PPEF2: variants seen among roughly 807,000 people sequenced by gnomAD.
PPEF2 encodes the protein serine/threonine-protein phosphatase with EF-hands 2.
A neutral mutation model predicts 84.7 loss-of-function variants in PPEF2; 84 were observed. The ratio of observed to expected loss-of-function variants is 0.99; its 90% CI spans 0.83 to 1.19. PPEF2 has a LOEUF of 1.19. PPEF2 is among the 50% of genes most tolerant of loss of function. The pLI is 0.00. For synonymous variants in PPEF2, 346 were observed against 345.2 expected (o/e 1.00, Z -0.03); for missense variants, 924 against 937.5 (o/e 0.99, Z 0.19).
intron 11 of PPEF2, among the ~76,000 whole-genome samples, chr4:75,874,949 T>C (rs1380901601): frequency 2.0e-5 from 3 of 150,864 alleles, no homozygotes; most frequent in Non-Finnish European, 2.9e-5. Flanking sequence ...TCGCCCAGGA[T>C]GAAGTGCAGT....
chr4:75,868,147 C>T (rs574172083), intron 13 of PPEF2, among the ~76,000 whole-genome samples: 1 of 31,412 alleles, frequency 3.2e-5, no homozygotes, highest in African/African-American at 1.1e-4. Context: ...CCCCTCTCTA[C>T]TCAAAGTACA....
At chr4:75,871,623 A>G (rs1462154793) in intron 13 of PPEF2, among the ~76,000 whole-genome samples, 1 of 152,088 alleles carries the variant, frequency 6.6e-6, no homozygotes, top group Non-Finnish European at 1.5e-5. Context: ...AGAGTACGCC[A>G]CCACATCAGG....
rs372439344 is a variant in PPEF2 at position 75,873,251 on chromosome 4, C to A, written c.1382G>T (p.Arg461Leu). 4.3e-6 allele frequency: 7 copies of A among 1,614,156 alleles called. No individual in the cohort carries two copies. Among genetic ancestry groups the A allele is most frequent in the Non-Finnish European group, 5.9e-6 (7 of 1,180,020 alleles). Residue 461 changes from arginine (R) to leucine (L), a missense_variant, in exon 12 of 17, where the codon CGA (arginine) becomes CTA (leucine). Coordinates refer to ENST00000286719, the MANE Select transcript of PPEF2 (RefSeq NM_006239.3). ...AGGCCCAAAATAACAGCCTCCTCCT[C>A]GAATAGTGTTGGCCTTGCAGCCCTC... ...AQEGCKANTI[R>L]GGGCYFGPDV...
Position 75,886,909 on chromosome 4 carries a change from T to C in PPEF2, c.533-11A>G, listed in dbSNP as rs756654108. 7 of 1,410,424 alleles carry C rather than the reference T, an allele frequency of 5.0e-6. No individual in the cohort carries two copies. The highest frequency in any genetic ancestry group is 1.8e-4 in the Middle Eastern group (1 of 5,576). 87.4% of individuals were successfully genotyped at this position (1,410,424 alleles called of 1,614,324 possible). Reference sequence around the variant, plus strand: ...GGCCATGTAAGTCTCCTAACAAAGATAGAAAAAGAATATCAATTCTGATTG... The same window carrying C: ...GGCCATGTAAGTCTCCTAACAAAGACAGAAAAAGAATATCAATTCTGATTG... On this transcript the variant is annotated splice_polypyrimidine_tract_variant and intron_variant, in intron 6 of 16. Transcript: ENST00000286719.
At chr4:75,863,247 T>C (rs1724047663) in intron 16 of PPEF2, among the ~76,000 whole-genome samples, 1 of 151,904 alleles carries the variant, frequency 6.6e-6, no homozygotes, top group Non-Finnish European at 1.5e-5. Context: ...ATCCCAGCAC[T>C]TTGGGAGATC....
At chr4:75,899,657 T>C (rs962573304) in intron 1 of PPEF2, among the ~76,000 whole-genome samples, 4 of 152,204 alleles carry the variant, frequency 2.6e-5, no homozygotes, top group Non-Finnish European at 5.9e-5. Flanking sequence ...TTATTTTGAA[T>C]AAACAACCAG....
At chr4:75,886,748 T>C in intron 7 of PPEF2, 104 bp downstream of exon 7, 2 of 609,732 alleles carry the variant, frequency 3.3e-6, no homozygotes, top group Non-Finnish European at 5.4e-6. Flanking sequence ...TAATAATATT[T>C]TAAAACTTCA....
intron 7 of PPEF2, among the ~76,000 whole-genome samples, chr4:75,885,916 G>A (rs1724708987): frequency 2.0e-5 from 3 of 152,082 alleles, no homozygotes; most frequent in Admixed American, 1.3e-4. Flanking sequence ...GGCCGAGGCA[G>A]GAGAATCACT....
chr4:75,889,337 C>G (rs1239365258), intron 5 of PPEF2: 1 of 152,560 alleles, frequency 6.6e-6, no homozygotes, highest in Non-Finnish European at 1.5e-5. Context: ...TCCCTCTTCT[C>G]CAGCCACAGT....
chr4:75,893,597 C>A (rs1724942230), intron 2 of PPEF2, among the ~76,000 whole-genome samples: 1 of 152,158 alleles, frequency 6.6e-6, no homozygotes, highest in Non-Finnish European at 1.5e-5. Context: ...CAGGTTGCTA[C>A]ACCTCACCCT....
intron 7 of PPEF2, 24 bp from the exon 8 acceptor site, chr4:75,884,784 A>G: frequency 6.5e-7 from 1 of 1,538,088 alleles, no homozygotes; most frequent in Middle Eastern, 1.7e-4. Flanking sequence ...AGACCAGTGA[A>G]AGAATGAATG....
intron 8 of PPEF2, chr4:75,883,471 T>C (rs1724631768): frequency 4.6e-6 from 2 of 431,664 alleles, no homozygotes; most frequent in Non-Finnish European, 4.1e-6. Flanking sequence ...AGTATGTGTA[T>C]GCAAAAACAA....
At chr4:75,889,419 C>A (rs1477242346) in intron 5 of PPEF2, among the ~76,000 whole-genome samples, 2 of 152,132 alleles carry the variant, frequency 1.3e-5, no homozygotes, top group African/African-American at 4.8e-5. Flanking sequence ...CCTCCCTCTA[C>A]CTGGAACGCT....
chr4:75,864,371 A>C, intron 16 of PPEF2, 69 bp downstream of exon 16: 6 of 1,167,452 alleles, frequency 5.1e-6, no homozygotes, highest in Non-Finnish European at 7.7e-6. Flanking sequence ...TGAATCAGGA[A>C]GGAGATTAAG....
intron 12 of PPEF2, 123 bp from the exon 13 acceptor site, chr4:75,872,290 T>TTTTC (rs772466896): frequency 5.0e-4 from 461 of 915,252 alleles, no homozygotes; most frequent in Non-Finnish European, 6.2e-4. Context: ...CTGGGAATCC[T>TTTTC]TTTCTTTCTT....
chr4:75,890,764 G>A (rs1257174872), intron 4 of PPEF2, among the ~76,000 whole-genome samples: 2 of 152,226 alleles, frequency 1.3e-5, no homozygotes. Context: ...GTTGCATTTA[G>A]TGAGCGCAAC....
At position 75,864,445 on chromosome 4, in the gene PPEF2, T is replaced by G; in HGVS notation, c.2003A>C (p.His668Pro). ...AGAATAATGAGTGCCTTTACCTGAA[T>G]GATCACTGTCTATGATCCTAAAAAT... ...ETIFRIIDSD[H>P]SGFISLDEFR... Residue 668 changes from histidine to proline, a missense_variant, in exon 16 of 17, where the codon CAT becomes CCT. Transcript: ENST00000286719. The G allele has an allele frequency of 6.3e-7, 1 of 1,599,060 alleles. No homozygotes were observed. Among genetic ancestry groups the G allele is most frequent in the South Asian group, 1.1e-5 (1 of 90,724 alleles).
chr4:75,861,928 T>TA lies in PPEF2; in HGVS notation c.2009-1009dup, dbSNP rs1228585887. Among the ~76,000 whole-genome samples the TA allele has an allele frequency of 6.7e-5, 10 of 149,636 alleles. 1 individual carries two copies. The highest frequency in any genetic ancestry group is 2.2e-4 in the African/African-American group (9 of 40,892). ...CTAGCCTATGCAACAGTTTTATAGC[T>TA]AAAAAAAGCTATAACACCAAAAGCA... On this transcript the variant is annotated intron_variant, in intron 16 of 16. Coordinates refer to ENST00000286719, the MANE Select transcript of PPEF2 (RefSeq NM_006239.3).
rs915688373 is a variant in PPEF2 at position 75,895,225 on chromosome 4, C to T, written c.55+1046G>A. On this transcript the variant is annotated intron_variant, in intron 2 of 16. Transcript: ENST00000286719. The stretch of plus-strand genomic sequence containing the variant: ...GGCAGATCACCTGAGGTCAGGAGTT[C>T]GAGACCAGCCTGGTCAACATGGTGA... Among the ~76,000 whole-genome samples, 8 of 144,226 alleles carry T rather than the reference C, an allele frequency of 5.5e-5. No homozygotes were observed. The East Asian group carries it at 1.4e-3, about 26-fold the overall frequency. The allele number at this position is 144,226 out of a possible 152,430, so 94.6% of individuals were successfully genotyped here. A position where few individuals can be genotyped will look rare whatever the true frequency, so the allele number is the denominator to read the frequency against.
Sources: gnomAD v4.1 joint callset for allele counts (sites outside exome capture counted in the v4.1 genomes callset) on GRCh38, gnomAD v4.1.1 for gene constraint, MANE v1.5 for transcripts, NCBI Gene and HGNC (gene_info 2026-07-23, HGNC 2026-07-21) for gene names.